KCNIP4: variants seen among roughly 807,000 people sequenced by gnomAD.
The protein encoded by KCNIP4 is potassium voltage-gated channel interacting protein 4, also known as Kv channel-interacting protein 4.
In KCNIP4, 12 loss-of-function variants were observed where a neutral mutation model predicts 34.0. The observed-to-expected ratio is 0.35, with a 90% CI of 0.23 to 0.57. The LOEUF (loss-of-function observed/expected upper bound fraction) is 0.57. KCNIP4 is among the 20% of genes least tolerant of loss of function. The pLI is 0.83. For synonymous variants in KCNIP4, 124 were observed against 102.2 expected (o/e 1.21, Z -1.29); for missense variants, 238 against 311.7 (o/e 0.76, Z 1.78).
chr4:21,023,879 C>T lies in KCNIP4; in HGVS notation c.62-141170G>A, dbSNP rs1312172206. ...CCTGGGCAACCGAGTGAGACTCTGTCTGAAAAAAAACGAAAAAAGAAAAAT... is the reference window on the plus strand; with the variant it reads ...CCTGGGCAACCGAGTGAGACTCTGTTTGAAAAAAAACGAAAAAAGAAAAAT... On this transcript the variant is annotated intron_variant, in intron 1 of 8. Coordinates refer to ENST00000382152, the MANE Select transcript of KCNIP4 (RefSeq NM_025221.6). Among the ~76,000 whole-genome samples the T allele has an allele frequency of 2.8e-4, 43 of 151,596 alleles. 1 individual carries two copies. Among genetic ancestry groups the T allele is most frequent in the Admixed American group, 2.8e-3 (42 of 15,200 alleles).
At chr4:20,732,220 T>C in intron 7 of KCNIP4, 152 bp from the exon 8 acceptor site, 1 of 620,478 alleles carries the variant, frequency 1.6e-6, no homozygotes, top group Non-Finnish European at 2.8e-6. Flanking sequence ...AGCAGTTTTT[T>C]AGAGATAAAA....
intron 1 of KCNIP4, among the ~76,000 whole-genome samples, chr4:21,452,067 G>A (rs1028237626): frequency 1.3e-5 from 2 of 152,024 alleles, no homozygotes; most frequent in African/African-American, 4.8e-5. Context: ...CCAGAAGCTG[G>A]GAAGGATAAT....
intron 1 of KCNIP4, among the ~76,000 whole-genome samples, chr4:21,567,402 T>C (rs1739982616): frequency 6.6e-6 from 1 of 152,014 alleles, no homozygotes; most frequent in African/African-American, 2.4e-5. Context: ...AGGGGGCCCA[T>C]TGTCCTCCCT....
chr4:20,983,552 C>A (rs1736295092), intron 1 of KCNIP4, among the ~76,000 whole-genome samples: 1 of 152,144 alleles, frequency 6.6e-6, no homozygotes, highest in African/African-American at 2.4e-5. Context: ...TAACTCCCCA[C>A]CTTAGAAAAA....
At chr4:21,820,929 G>A (rs1722319355) in intron 1 of KCNIP4, among the ~76,000 whole-genome samples, 1 of 152,044 alleles carries the variant, frequency 6.6e-6, no homozygotes, top group African/African-American at 2.4e-5. Context: ...TTATGCAACT[G>A]ATAACTGAAC....
intron 1 of KCNIP4, among the ~76,000 whole-genome samples, chr4:21,863,245 A>C (rs1263551408): frequency 1.4e-5 from 2 of 146,802 alleles, no homozygotes. Flanking sequence ...ATGGCTAATA[A>C]ATTCCACGGA....
intron 1 of KCNIP4, among the ~76,000 whole-genome samples, chr4:21,639,536 G>A (rs188399297): frequency 4.0e-5 from 6 of 149,508 alleles, no homozygotes; most frequent in Admixed American, 4.0e-4. Context: ...TTAACTAGAC[G>A]AAATTAAAAT....
chr4:21,283,390 T>A (rs553627650), intron 1 of KCNIP4, among the ~76,000 whole-genome samples: 1 of 152,228 alleles, frequency 6.6e-6, no homozygotes, highest in Non-Finnish European at 1.5e-5. Flanking sequence ...CACCTATCCA[T>A]TGACCCATTC....
chr4:20,883,159 G>C (rs1283111750), intron 1 of KCNIP4, among the ~76,000 whole-genome samples: 1 of 152,066 alleles, frequency 6.6e-6, no homozygotes, highest in Non-Finnish European at 1.5e-5. Flanking sequence ...TTATAGCAGA[G>C]ATAGATGCTT....
At chr4:21,636,757 C>A (rs529826207) in intron 1 of KCNIP4, among the ~76,000 whole-genome samples, 30 of 152,226 alleles carry the variant, frequency 2.0e-4, no homozygotes, top group Non-Finnish European at 3.8e-4. Context: ...TTCACAATGG[C>A]AAATAAGAAA....
intron 1 of KCNIP4, chr4:21,845,705 G>A (rs1307572877): frequency 6.6e-6 from 1 of 151,974 alleles, no homozygotes; most frequent in Non-Finnish European, 1.5e-5. Flanking sequence ...TCGACATGTA[G>A]CTTGGCACCA....
intron 1 of KCNIP4, among the ~76,000 whole-genome samples, chr4:21,857,780 A>G (rs1724847165): frequency 6.6e-6 from 1 of 152,228 alleles, no homozygotes; most frequent in Admixed American, 6.5e-5. Context: ...AAGAGCTGTA[A>G]CACAAAAAGG....
chr4:21,232,527 T>A (rs1259638676), intron 1 of KCNIP4, among the ~76,000 whole-genome samples: 1 of 152,198 alleles, frequency 6.6e-6, no homozygotes, highest in African/African-American at 2.4e-5. Context: ...TCAATAATTT[T>A]AATGTATATC....
At chr4:20,738,494 TG>T (rs558536497) in intron 5 of KCNIP4, among the ~76,000 whole-genome samples, 145 of 152,324 alleles carry the variant, frequency 9.5e-4, no homozygotes, top group Non-Finnish European at 1.6e-3. Context: ...AGGGGAAGCC[TG>T]TACTGCTTCC....
chr4:21,607,408 A>T (rs1298403565), intron 1 of KCNIP4, among the ~76,000 whole-genome samples: 1 of 152,124 alleles, frequency 6.6e-6, no homozygotes, highest in Non-Finnish European at 1.5e-5. Flanking sequence ...ACATATGGCG[A>T]ATGCCTACAA....
chr4:21,247,572 T>C (rs1245107644), intron 1 of KCNIP4, among the ~76,000 whole-genome samples: 1 of 130,940 alleles, frequency 7.6e-6, no homozygotes, highest in Non-Finnish European at 1.5e-5. Flanking sequence ...TATATAGATA[T>C]AAATACATAT....
At chr4:21,128,199 C>T (rs908602393) in intron 1 of KCNIP4, among the ~76,000 whole-genome samples, 4 of 152,264 alleles carry the variant, frequency 2.6e-5, no homozygotes. Context: ...AGTACAACAG[C>T]TTTCATAGAG....
intron 1 of KCNIP4, among the ~76,000 whole-genome samples, chr4:21,249,976 A>G (rs1760572412): frequency 6.6e-6 from 1 of 152,090 alleles, no homozygotes; most frequent in African/African-American, 2.4e-5. Flanking sequence ...ATTTCTGTGT[A>G]TTTTTAATAA....
rs544051861 is a variant in KCNIP4, at chr4:21,169,796, A to C, written c.62-287087T>G. Among the ~76,000 whole-genome samples, 59 of 152,018 alleles carry C rather than the reference A, an allele frequency of 3.9e-4. No homozygotes were observed. In the South Asian group the frequency reaches 0.012, roughly 30 times the overall value. On this transcript the variant is annotated intron_variant, in intron 1 of 8. Transcript: ENST00000382152. ...GAATGGTTCGTCCCAATTAGTACTC[A>C]AACACTCCCAGCCTTTGGTCCTGAT...
Sources: allele counts gnomAD v4.1 joint callset (sites outside exome capture counted in the v4.1 genomes callset), GRCh38; gene constraint gnomAD v4.1.1; transcripts MANE v1.5; gene names NCBI Gene and HGNC (gene_info 2026-07-23, HGNC 2026-07-21).